The following TJP1 variants were observed in gnomAD, a reference collection of about 807,000 sequenced individuals.
TJP1 encodes the protein tight junction protein 1, also known as tight junction protein ZO-1.
Under a neutral mutation model 194.2 loss-of-function variants are expected in TJP1, and 43 were observed. That is an observed-to-expected ratio of 0.22 (90% confidence interval 0.17 to 0.29). TJP1 has a LOEUF of 0.29. Among genes scored for constraint, TJP1 ranks in the 10% least tolerant of loss-of-function variants. The pLI, the probability that TJP1 is intolerant of heterozygous loss-of-function variation, is 1.00. For missense variants in TJP1, 1,971 were observed against 2,185.7 expected (o/e 0.90, Z 1.96); for synonymous variants, 801 against 779.0 (o/e 1.03, Z -0.47).
At chr15:29,950,874 T>C (rs756336067) in intron 2 of TJP1, among the ~76,000 whole-genome samples, 4 of 152,170 alleles carry the variant, frequency 2.6e-5, no homozygotes, top group Non-Finnish European at 5.9e-5. Flanking sequence ...CGAGGTTACA[T>C]TCTGTAACCC....
chr15:29,871,560 G>A (rs78328847), intron 2 of TJP1, among the ~76,000 whole-genome samples: 1 of 152,236 alleles, frequency 6.6e-6, no homozygotes, highest in African/African-American at 2.4e-5. Context: ...AGGCGCAACC[G>A]CCTGGAGAGG....
chr15:29,955,648 G>A (rs757654721), intron 2 of TJP1, among the ~76,000 whole-genome samples: 49 of 151,104 alleles, frequency 3.2e-4, no homozygotes, highest in South Asian at 6.3e-4. Context: ...CTACTTGGGA[G>A]GCTGATGTGG....
intron 2 of TJP1, among the ~76,000 whole-genome samples, chr15:29,856,109 T>C (rs1303110347): frequency 2.0e-5 from 3 of 151,858 alleles, no homozygotes; most frequent in African/African-American, 4.9e-5. Flanking sequence ...GGCATATCCA[T>C]ACAATAGAAT....
intron 2 of TJP1, among the ~76,000 whole-genome samples, chr15:29,842,347 C>T (rs140188497): frequency 1.3e-3 from 196 of 152,254 alleles, no homozygotes; most frequent in African/African-American, 4.4e-3. Context: ...TAGCTATTTA[C>T]TCAATTCTTC....
At chr15:29,771,487 G>C (rs769179442) in intron 4 of TJP1, among the ~76,000 whole-genome samples, 5 of 152,142 alleles carry the variant, frequency 3.3e-5, no homozygotes, top group African/African-American at 4.8e-5. Flanking sequence ...AGGAGGAAAA[G>C]AGGAGGAAAC....
chr15:29,858,796 C>G (rs1374771025), intron 2 of TJP1, among the ~76,000 whole-genome samples: 1 of 152,158 alleles, frequency 6.6e-6, no homozygotes, highest in African/African-American at 2.4e-5. Context: ...ATCCTCCTAC[C>G]TCAGCTTCCC....
upstream of TJP1, chr15:29,822,597 G>T (rs550947094): frequency 1.8e-6 from 1 of 569,574 alleles, no homozygotes; most frequent in Non-Finnish European, 2.2e-6. Flanking sequence ...AGCGGCCGGG[G>T]TCCCGACCCC....
chr15:29,946,192 T>C (rs907855734), intron 2 of TJP1, among the ~76,000 whole-genome samples: 1 of 152,156 alleles, frequency 6.6e-6, no homozygotes, highest in African/African-American at 2.4e-5. Context: ...TGAATGACAA[T>C]GCAAATTAAT....
chr15:29,836,157 A>G (rs1432417882), intron 2 of TJP1, among the ~76,000 whole-genome samples: 1 of 151,824 alleles, frequency 6.6e-6, no homozygotes, highest in Non-Finnish European at 1.5e-5. Flanking sequence ...AGCTTGGTAC[A>G]CTCTTCACTA....
intron 2 of TJP1, among the ~76,000 whole-genome samples, chr15:29,861,011 T>C (rs1567142161): frequency 6.6e-6 from 1 of 152,252 alleles, no homozygotes; most frequent in East Asian, 1.9e-4. Flanking sequence ...ATTCACATTA[T>C]TGCAAAACAC....
rs182383720 is a variant in TJP1 at position 29,725,075 on chromosome 15, T to C, written c.2412+1304A>G. Among the ~76,000 whole-genome samples, 310 of 152,334 alleles carry C rather than the reference T, an allele frequency of 2.0e-3. 1 individual carries two copies. The highest frequency in any genetic ancestry group is 7.1e-3 in the African/African-American group (296 of 41,578). ...GGATGTTAACAGAATTGTGTTGCTA[T>C]AGAAGGTTAGTATGAAGACTACAAT... is the stretch of plus-strand genomic sequence containing the variant. On this transcript the variant is annotated intron_variant, in intron 18 of 27. Transcript: ENST00000614355.
upstream of TJP1, chr15:29,822,623 A>G: frequency 5.3e-6 from 2 of 378,220 alleles, no homozygotes; most frequent in Non-Finnish European, 7.3e-6. Flanking sequence ...CGGAAGGAAA[A>G]GCCGGGTAAC....
At chr15:29,814,484 G>C (rs1248045839) in intron 1 of TJP1, among the ~76,000 whole-genome samples, 1 of 152,168 alleles carries the variant, frequency 6.6e-6, no homozygotes, top group Non-Finnish European at 1.5e-5. Flanking sequence ...AATTAAGTGA[G>C]CTAATCTTAT....
intron 1 of TJP1, chr15:29,968,213 T>A (rs2056396333): frequency 1.0e-6 from 1 of 985,308 alleles, no homozygotes; most frequent in Non-Finnish European, 1.2e-6. Flanking sequence ...CGTCCTCTAC[T>A]ATGCACTCAG....
At chr15:29,821,973 C>A in intron 1 of TJP1, 29 bp downstream of exon 1, 1 of 1,278,746 alleles carries the variant, frequency 7.8e-7, no homozygotes, top group South Asian at 2.9e-5. Flanking sequence ...TCGGCCCGGT[C>A]TGGCCCTGGC....
chr15:29,708,980 G>C lies in TJP1; in HGVS notation c.4429C>G (p.Pro1477Ala). ...AAAGTTGCTGGCTTATTCTGAGATG[G>C]AGGTGGGTCTGGTTTGGACACTAAG... The part of the protein sequence containing the change: ...NSLVSKPDPP[P>A]SQNKPATFRP... The change falls in exon 25 of 28, where the codon CCA becomes GCA. Residue 1477 changes from proline to alanine, a missense_variant. Coordinates refer to ENST00000614355, the MANE Select transcript of TJP1 (RefSeq NM_001330239.4). The C allele has an allele frequency of 6.2e-7, 1 of 1,614,220 alleles. No individual in the cohort carries two copies. The highest frequency in any genetic ancestry group is 8.5e-7 in the Non-Finnish European group (1 of 1,180,042).
intron 2 of TJP1, among the ~76,000 whole-genome samples, chr15:29,906,036 G>C (rs1389912043): frequency 6.6e-6 from 1 of 152,208 alleles, no homozygotes; most frequent in Non-Finnish European, 1.5e-5. Flanking sequence ...ATGTGTCAAT[G>C]TAGGTTAATC....
chr15:29,763,510 C>T (rs967119760), intron 5 of TJP1, among the ~76,000 whole-genome samples: 25 of 152,160 alleles, frequency 1.6e-4, no homozygotes, highest in African/African-American at 6.0e-4. Context: ...TGGCTCATGC[C>T]TGTAATTCCA....
At chr15:29,787,496 C>T (rs746744603) in intron 2 of TJP1, among the ~76,000 whole-genome samples, 4 of 152,010 alleles carry the variant, frequency 2.6e-5, no homozygotes, top group Non-Finnish European at 4.4e-5. Context: ...AAAGAAACTC[C>T]GCATTCTTTA....
Sources: gnomAD v4.1 joint callset for allele counts (sites outside exome capture counted in the v4.1 genomes callset) on GRCh38, gnomAD v4.1.1 for gene constraint, MANE v1.5 for transcripts, NCBI Gene and HGNC (gene_info 2026-07-23, HGNC 2026-07-21) for gene names.